The following IFT140 variants were observed in gnomAD, a reference collection of about 807,000 sequenced individuals.
The protein encoded by IFT140 is intraflagellar transport 140.
IFT140 carries 133 observed loss-of-function variants against 164.6 expected under a neutral mutation model. The ratio of observed to expected loss-of-function variants is 0.81; its 90% CI spans 0.70 to 0.93. IFT140 has a LOEUF of 0.93. Ranked by LOEUF, IFT140 falls within the 40% of genes least tolerant of loss-of-function variation. The pLI is 0.00. For missense variants in IFT140, 2,045 were observed against 1,972.3 expected (o/e 1.04, Z -0.70); for synonymous variants, 860 against 817.3 (o/e 1.05, Z -0.89).
intron 8 of IFT140, 136 bp from the exon 9 acceptor site, chr16:1,587,440 A>G: frequency 1.6e-6 from 1 of 639,208 alleles, no homozygotes; most frequent in East Asian, 2.7e-5. Context: ...TATGAAAACG[A>G]ACACTGCTGT....
rs764399101 is a variant in IFT140 at position 1,523,894 on chromosome 16, G to A, written c.3204C>T (p.Ile1068=). 2.0e-5 allele frequency: 33 copies of A among 1,613,402 alleles called. No individual in the cohort carries two copies. Among genetic ancestry groups the A allele is most frequent in the Non-Finnish European group, 2.5e-5 (29 of 1,180,034 alleles). The change falls in exon 25 of 31, where the codon ATC becomes ATT. Residue 1068 remains isoleucine (I), a synonymous_variant. Transcript: ENST00000426508. ...TCTCCTCGTAGTATCGGGCCGCCTC[G>A]ATCATGTCCTCGGGGGAGCTCAGCA... The part of the protein sequence containing the change: ...LALLSSPEDM[I]EAARYYEEKG...
chr16:1,547,311 G>A (rs1362584986), intron 19 of IFT140, among the ~76,000 whole-genome samples: 1 of 152,200 alleles, frequency 6.6e-6, no homozygotes, highest in Non-Finnish European at 1.5e-5. Flanking sequence ...CTGACTTGTA[G>A]AAGTCCGCTC....
At chr16:1,526,340 G>C in intron 20 of IFT140, 2 of 405,930 alleles carry the variant, frequency 4.9e-6, no homozygotes, top group Non-Finnish European at 8.9e-6. Context: ...CTCCCCAGAA[G>C]TCCCGTGCTC....
intron 2 of IFT140, chr16:1,610,360 G>A (rs1350504691): frequency 6.5e-6 from 1 of 154,886 alleles, no homozygotes; most frequent in Non-Finnish European, 1.5e-5. Context: ...CCTCGGGGGT[G>A]TGATGGCGCC....
intron 20 of IFT140, 119 bp downstream of exon 20, chr16:1,526,500 C>G: frequency 1.8e-6 from 2 of 1,112,780 alleles, no homozygotes; most frequent in Non-Finnish European, 2.5e-6. Flanking sequence ...TCATGCCTCT[C>G]GGCTCTGCCC....
At chr16:1,561,711 C>G (rs144064777) in intron 18 of IFT140, among the ~76,000 whole-genome samples, 27 of 152,196 alleles carry the variant, frequency 1.8e-4, no homozygotes, top group African/African-American at 6.0e-4. Flanking sequence ...GAGTCCTGCC[C>G]GAGAGCTCCT....
intron 7 of IFT140, among the ~76,000 whole-genome samples, chr16:1,588,943 C>T (rs932881083): frequency 2.6e-5 from 4 of 152,164 alleles, no homozygotes; most frequent in Non-Finnish European, 2.9e-5. Flanking sequence ...GTGGGGACAC[C>T]GGGAAGAGGC....
At chr16:1,586,685 G>A (rs1259704463) in intron 9 of IFT140, among the ~76,000 whole-genome samples, 1 of 152,180 alleles carries the variant, frequency 6.6e-6, no homozygotes, top group Non-Finnish European at 1.5e-5. Flanking sequence ...ATTTCAGGAG[G>A]GAACAGAGAT....
At position 1,592,486 on chromosome 16, in the gene IFT140, G is replaced by A. The variant is rs755315693; in HGVS notation, c.472C>T (p.Arg158Trp). 9.3e-6 allele frequency: 15 copies of A among 1,614,084 alleles called. No individual in the cohort carries two copies. The highest frequency in any genetic ancestry group is 1.7e-5 in the Admixed American group (1 of 59,998). Residue 158 changes from arginine (R) to tryptophan (W), a missense_variant, in exon 5 of 31, where the codon CGG (arginine) becomes TGG (tryptophan). Physicochemically the swap from Arg to Trp is moderately radical, Grantham distance 101 (BLOSUM62 -3). Transcript: ENST00000426508. ...ACTTACTCGCCAGGAGGGGGGAGCC[G>A]GAAGATGCAGTGCGTGAGGTGTTTC... ...YGKHLTHCIF[R>W]LPPPGEDLVQ...
chr16:1,554,746 T>G, intron 19 of IFT140: 1 of 1,608,598 alleles, frequency 6.2e-7, no homozygotes, highest in South Asian at 1.1e-5. Context: ...CGCCTTCCTC[T>G]CAGACAAGGC....
At chr16:1,565,972 G>T (rs966991836) in intron 16 of IFT140, among the ~76,000 whole-genome samples, 189 bp downstream of exon 16, 1 of 152,164 alleles carries the variant, frequency 6.6e-6, no homozygotes, top group Non-Finnish European at 1.5e-5. Context: ...CCTTCCACCT[G>T]AAGGACAGAG....
chr16:1,520,911 G>T, intron 26 of IFT140, 103 bp from the exon 27 acceptor site: 1 of 1,113,464 alleles, frequency 9.0e-7, no homozygotes, highest in Non-Finnish European at 1.3e-6. Context: ...CCTCGGCTCA[G>T]CGGCGGCTTC....
chr16:1,562,968 G>C (rs1335359686), intron 17 of IFT140, among the ~76,000 whole-genome samples: 1 of 152,126 alleles, frequency 6.6e-6, no homozygotes. Context: ...GAGGTGAAGG[G>C]AAGGCAAAGC....
chr16:1,527,285 G>C (rs1000509561), intron 19 of IFT140, among the ~76,000 whole-genome samples: 1 of 152,194 alleles, frequency 6.6e-6, no homozygotes, highest in Non-Finnish European at 1.5e-5. Context: ...ACAGGGCCCA[G>C]ACCCTGACCC....
Position 1,587,293 on chromosome 16 carries a change from A to G in IFT140, c.914T>C (p.Ile305Thr). The part of the protein sequence containing the change: ...VGEAALRFWD[I>T]ERGENYILSP... ...CAGTATATAATTCTCTCCTCGTTCT[A>G]TGTCCCAGAATCTACAACAGAAGAA... Residue 305 changes from isoleucine to threonine, a missense_variant, in exon 9 of 31, where the codon ATA (isoleucine) becomes ACA (threonine). Transcript: ENST00000426508. 5.0e-6 allele frequency: 8 copies of G among 1,608,978 alleles called. No individual in the cohort carries two copies. Among genetic ancestry groups the G allele is most frequent in the Admixed American group, 1.7e-5 (1 of 60,008 alleles).
At chr16:1,583,163 C>T (rs905218114) in intron 12 of IFT140, 151 bp downstream of exon 12, 47 of 733,732 alleles carry the variant, frequency 6.4e-5, no homozygotes, top group Non-Finnish European at 1.1e-4. Context: ...GCCACAGCTG[C>T]AGCCCTGGCT....
chr16:1,520,383 G>A, intron 27 of IFT140, 40 bp from the exon 28 acceptor site: 1 of 1,602,838 alleles, frequency 6.2e-7, no homozygotes, highest in Non-Finnish European at 8.5e-7. Context: ...AGCAGGGGCT[G>A]GGCCGGGACA....
chr16:1,510,727 G>C lies in IFT140; in HGVS notation c.*217C>G. ...AAGGAATGAATCCAAAAATCTAGTG[G>C]AGCTGCCGGGCACCCAGAGGCAGGT... is the stretch of plus-strand genomic sequence containing the variant. On this transcript the variant is annotated 3_prime_UTR_variant, in exon 31 of 31. Coordinates refer to ENST00000426508, the MANE Select transcript of IFT140 (RefSeq NM_014714.4). 1 of 596,332 alleles carries C rather than the reference G, an allele frequency of 1.7e-6. No individual in the cohort carries two copies. Among genetic ancestry groups the C allele is most frequent in the Non-Finnish European group, 3.0e-6 (1 of 336,468 alleles). 36.9% of individuals were successfully genotyped at this position (596,332 alleles called of 1,614,324 possible). A position where few individuals can be genotyped will look rare whatever the true frequency, so the allele number is the denominator to read the frequency against.
chr16:1,575,841 C>A (rs1007096389), intron 13 of IFT140, among the ~76,000 whole-genome samples: 1 of 151,962 alleles, frequency 6.6e-6, no homozygotes, highest in African/African-American at 2.4e-5. Flanking sequence ...AGCCCATTCA[C>A]CCTTTCCCAT....
Sources: gnomAD v4.1 joint callset for allele counts (sites outside exome capture counted in the v4.1 genomes callset) on GRCh38, gnomAD v4.1.1 for gene constraint, MANE v1.5 for transcripts, NCBI Gene and HGNC (gene_info 2026-07-23, HGNC 2026-07-21) for gene names.